OGDHL: variants seen among roughly 807,000 people sequenced by gnomAD.
The protein encoded by OGDHL is 2-oxoglutarate dehydrogenase-like, mitochondrial.
Under a neutral mutation model 109.6 loss-of-function variants are expected in OGDHL, and 79 were observed. That is an observed-to-expected ratio of 0.72 (90% CI 0.60 to 0.87). The LOEUF is 0.87. Ranked by LOEUF, OGDHL falls within the 40% of genes least tolerant of loss-of-function variation. The probability of loss-of-function intolerance (pLI) is 0.00; values close to 1 mark genes in which losing one functional copy is unlikely to be tolerated. For missense variants in OGDHL, 1,275 were observed against 1,362.2 expected (o/e 0.94, Z 1.01); for synonymous variants, 528 against 537.2 (o/e 0.98, Z 0.24).
chr10:49,747,961 C>G (rs1251861255), intron 8 of OGDHL, among the ~76,000 whole-genome samples: 1 of 152,152 alleles, frequency 6.6e-6, no homozygotes, highest in Non-Finnish European at 1.5e-5. Flanking sequence ...TGCATTACAA[C>G]AAAATCCTCT....
Position 49,749,823 on chromosome 10 carries a change from C to T in OGDHL, c.897-7G>A. The T allele has an allele frequency of 6.3e-7, 1 of 1,584,284 alleles. No individual in the cohort carries two copies. Among genetic ancestry groups the T allele is most frequent in the Admixed American group, 1.8e-5 (1 of 56,936 alleles). ...CAGCACGTTCAGCCTTCCCCTGGAG[C>T]CAGAGGGGCCGGGCTCTCACCTGGC... On this transcript the variant is annotated splice_polypyrimidine_tract_variant and splice_region_variant and intron_variant, in intron 7 of 22. Coordinates refer to ENST00000374103, the MANE Select transcript of OGDHL (RefSeq NM_018245.3).
At chr10:49,758,634 C>A (rs1465081605) in intron 1 of OGDHL, 41 bp from the exon 2 acceptor site, 3 of 1,594,788 alleles carry the variant, frequency 1.9e-6, no homozygotes, top group South Asian at 2.2e-5. Context: ...ATGGCAGGAC[C>A]AAGACAGGAA....
chr10:49,756,716 G>A (rs1043568517), intron 3 of OGDHL, 60 bp downstream of exon 3: 19 of 1,507,874 alleles, frequency 1.3e-5, no homozygotes, highest in Non-Finnish European at 1.5e-5. Context: ...TCCCTTCAGT[G>A]CCTGGCCACA....
At chr10:49,744,831 C>G in intron 12 of OGDHL, 79 bp from the exon 13 acceptor site, 1 of 1,156,572 alleles carries the variant, frequency 8.6e-7, no homozygotes, top group South Asian at 1.2e-5. Flanking sequence ...ACTCGTAAGT[C>G]CTGGTCCCCA....
intron 7 of OGDHL, among the ~76,000 whole-genome samples, chr10:49,750,180 A>G (rs1038116606): frequency 6.6e-6 from 1 of 152,118 alleles, no homozygotes; most frequent in Non-Finnish European, 1.5e-5. Flanking sequence ...GGCTAGTCCA[A>G]CCACAAGCAG....
At position 49,740,769 on chromosome 10, in the gene OGDHL, C is replaced by A; in HGVS notation, c.2081G>T (p.Trp694Leu). The stretch of plus-strand genomic sequence containing the variant: ...CACGGTGTACGGGGCCTGGTCAGGC[C>A]AGAGATGATTCATAGGCACACACGT... ...RRTCVPMNHL[W>L]PDQAPYTVCN... The change falls in exon 16 of 23, where the codon TGG becomes TTG. Residue 694 changes from tryptophan (W) to leucine (L), a missense_variant. By Grantham distance (61) the Trp-to-Leu change is moderately conservative. Transcript: ENST00000374103. 6.2e-7 allele frequency: 1 copy of A among 1,613,958 alleles called. No individual in the cohort carries two copies. The highest frequency in any genetic ancestry group is 8.5e-7 in the Non-Finnish European group (1 of 1,179,868).
intron 16 of OGDHL, among the ~76,000 whole-genome samples, 181 bp from the exon 17 acceptor site, chr10:49,740,020 C>A (rs1433892699): frequency 6.6e-6 from 1 of 152,180 alleles, no homozygotes; most frequent in Non-Finnish European, 1.5e-5. Context: ...GGGCTGACAA[C>A]ATGCTCAGAG....
Position 49,756,959 on chromosome 10 carries a change from G to A in OGDHL, c.205-13C>T. 2 of 1,608,296 alleles carry A rather than the reference G, an allele frequency of 1.2e-6. No homozygotes were observed. The highest frequency in any genetic ancestry group is 1.7e-6 in the Non-Finnish European group (2 of 1,176,718). The stretch of plus-strand genomic sequence containing the variant: ...AGCTGTCCCAGGACTAGGCAGGGCA[G>A]AAACAAGAACGCAGCCAGGTCAGGG... On this transcript the variant is annotated splice_polypyrimidine_tract_variant and intron_variant, in intron 2 of 22. Coordinates refer to ENST00000374103, the MANE Select transcript of OGDHL (RefSeq NM_018245.3).
chr10:49,744,196 A>G lies in OGDHL; in HGVS notation c.1733-74T>C, dbSNP rs573686767. 8.7e-5 allele frequency: 135 copies of G among 1,559,776 alleles called. No individual in the cohort carries two copies. In the East Asian group the frequency reaches 3.0e-3, roughly 35 times the overall value. ...ATCCCCCTGGCCAGCCTGCCTCCCC[A>G]GGACTGAGTGGCCCATGGCTTCCCA... On this transcript the variant is annotated intron_variant, in intron 13 of 22. Transcript: ENST00000374103.
chr10:49,756,319 C>T (rs1842911483), intron 3 of OGDHL, among the ~76,000 whole-genome samples: 1 of 152,200 alleles, frequency 6.6e-6, no homozygotes, highest in Non-Finnish European at 1.5e-5. Flanking sequence ...CCTAAGTCTC[C>T]AGGAGGAGCA....
intron 3 of OGDHL, among the ~76,000 whole-genome samples, chr10:49,753,759 A>C (rs1347494383): frequency 6.6e-6 from 1 of 152,110 alleles, no homozygotes. Context: ...GCGTGGCGGC[A>C]CATGCCTGTA....
chr10:49,753,241 T>C (rs1054206653), intron 3 of OGDHL, among the ~76,000 whole-genome samples: 7 of 152,106 alleles, frequency 4.6e-5, no homozygotes, highest in Admixed American at 4.6e-4. Flanking sequence ...CACAAATAAA[T>C]ATATGCATTA....
chr10:49,746,089 G>A lies in OGDHL; in HGVS notation c.1297-112C>T, dbSNP rs1037454829. The A allele has an allele frequency of 2.5e-6, 3 of 1,206,686 alleles. No individual in the cohort carries two copies. The African/African-American group carries it at 4.5e-5, about 18-fold the overall frequency. The allele number at this position is 1,206,686 out of a possible 1,614,324, so 74.7% of individuals were successfully genotyped here. The stretch of plus-strand genomic sequence containing the variant: ...TGCTCAAGGTCCACTGAGGTGCCCA[G>A]GAGGAATGTGGGACACAACAGGGTG... On this transcript the variant is annotated intron_variant, in intron 10 of 22. Transcript: ENST00000374103.
At chr10:49,742,570 A>C (rs547893623) in intron 15 of OGDHL, among the ~76,000 whole-genome samples, 191 of 123,238 alleles carry the variant, frequency 1.5e-3, no homozygotes, top group African/African-American at 5.8e-3. Context: ...CTCACCACAC[A>C]CCCCCCACAC....
intron 15 of OGDHL, among the ~76,000 whole-genome samples, chr10:49,742,592 T>C (rs986644938): frequency 1.4e-4 from 19 of 137,188 alleles, no homozygotes; most frequent in Non-Finnish European, 1.7e-4. Context: ...CACATGATCC[T>C]GAGGACCACA....
At chr10:49,737,671 CAG>C in intron 20 of OGDHL, 113 bp downstream of exon 20, 1 of 1,114,702 alleles carries the variant, frequency 9.0e-7, no homozygotes, top group South Asian at 1.3e-5. Context: ...GGAGCTGCTG[CAG>C]GTCAGCAGAG....
chr10:49,745,242 T>C (rs984752683), intron 12 of OGDHL, 102 bp downstream of exon 12: 6 of 1,448,692 alleles, frequency 4.1e-6, no homozygotes, highest in Non-Finnish European at 5.6e-6. Flanking sequence ...GCTACTTCTT[T>C]AAATCCTTAG....
chr10:49,746,669 T>C lies in OGDHL; in HGVS notation c.1296+81A>G, dbSNP rs534013191. On this transcript the variant is annotated intron_variant, in intron 10 of 22. Transcript: ENST00000374103. Reference sequence around the variant, plus strand: ...AGCAGTGGGCTCAGAGCCAGGAGCATCTCACTTTCCCCGCAAGCTACTGCC... The same window carrying C: ...AGCAGTGGGCTCAGAGCCAGGAGCACCTCACTTTCCCCGCAAGCTACTGCC... The C allele has an allele frequency of 1.4e-5, 22 of 1,559,764 alleles. No individual in the cohort carries two copies. In the East Asian group the frequency reaches 1.6e-4, roughly 11 times the overall value.
chr10:49,758,054 T>A (rs140637615), intron 2 of OGDHL, among the ~76,000 whole-genome samples: 1 of 151,982 alleles, frequency 6.6e-6, no homozygotes, highest in East Asian at 1.9e-4. Context: ...TCAGCAAGTA[T>A]TTATTTTATC....
Sources: gnomAD v4.1 joint callset for allele counts (sites outside exome capture counted in the v4.1 genomes callset) on GRCh38, gnomAD v4.1.1 for gene constraint, MANE v1.5 for transcripts, NCBI Gene and HGNC (gene_info 2026-07-23, HGNC 2026-07-21) for gene names.